CHRM3: variants seen among roughly 807,000 people sequenced by gnomAD.
CHRM3 encodes muscarinic acetylcholine receptor M3.
In CHRM3, 11 loss-of-function variants were observed where a neutral mutation model predicts 41.8. That is an observed-to-expected ratio of 0.26 (90% CI 0.17 to 0.44). The LOEUF is 0.44. Ranked by LOEUF, CHRM3 falls within the 20% of genes least tolerant of loss-of-function variation. CHRM3 has a pLI of 1.00. For missense variants in CHRM3, 571 were observed against 745.4 expected (o/e 0.77, Z 2.72); for synonymous variants, 297 against 301.4 (o/e 0.99, Z 0.15).
chr1:239,427,008 G>A (rs1472305414), intron 1 of CHRM3, among the ~76,000 whole-genome samples: 1 of 152,132 alleles, frequency 6.6e-6, no homozygotes, highest in Non-Finnish European at 1.5e-5. Flanking sequence ...GCAGGCAGAG[G>A]TGAGTGAAGG....
intron 2 of CHRM3, among the ~76,000 whole-genome samples, chr1:239,502,884 A>G (rs1668330501): frequency 6.6e-6 from 1 of 152,220 alleles, no homozygotes; most frequent in Non-Finnish European, 1.5e-5. Context: ...AACTCTCAGC[A>G]AAATCAGCAT....
chr1:239,713,513 G>T (rs1360321991), intron 5 of CHRM3, among the ~76,000 whole-genome samples: 5 of 152,198 alleles, frequency 3.3e-5, no homozygotes, highest in Non-Finnish European at 7.3e-5. Flanking sequence ...GAATGCAACT[G>T]TAATCTTATT....
chr1:239,829,829 G>A (rs1370023386), intron 6 of CHRM3, among the ~76,000 whole-genome samples: 1 of 152,140 alleles, frequency 6.6e-6, no homozygotes, highest in Non-Finnish European at 1.5e-5. Flanking sequence ...CAGAGCCTCA[G>A]AATTGCTAGG....
intron 5 of CHRM3, among the ~76,000 whole-genome samples, chr1:239,793,997 A>G (rs1304161962): frequency 6.6e-6 from 1 of 151,698 alleles, no homozygotes; most frequent in Non-Finnish European, 1.5e-5. Context: ...CATATTTTGT[A>G]TAGACAGGGT....
rs116111373 is a variant in CHRM3, at chr1:239,387,621, C to A, written c.-521+394C>A. Among the ~76,000 whole-genome samples, 1 of 152,080 alleles carries A rather than the reference C, an allele frequency of 6.6e-6. No homozygotes were observed. The highest frequency in any genetic ancestry group is 1.5e-5 in the Non-Finnish European group (1 of 68,026). ...GCCGGATCTGAGGCTCCAAAGTGCC[C>A]GAGCATGAGGAGCTACTGGGCTCCG... On this transcript the variant is annotated intron_variant, in intron 1 of 6. Transcript: ENST00000676153. The surrounding 1 kb of genome is among the most constrained non-coding windows in gnomAD (Gnocchi z 5.1).
At chr1:239,404,418 GA>G (rs1351034689) in intron 1 of CHRM3, among the ~76,000 whole-genome samples, 1 of 80,376 alleles carries the variant, frequency 1.2e-5, no homozygotes, top group Admixed American at 1.3e-4. Context: ...GAAAAAGAAA[GA>G]AAGAAAGAAA....
intron 1 of CHRM3, among the ~76,000 whole-genome samples, chr1:239,407,417 T>TATATATATATATATAGAGAGAGAGAG: frequency 2.0e-4 from 27 of 134,202 alleles, no homozygotes; most frequent in South Asian, 2.4e-4. Context: ...TATATATATA[T>TATATATATATATATAGAGAGAGAGAG]AGAGAGAGAG....
chr1:239,702,119 G>A (rs1278716730), intron 5 of CHRM3, among the ~76,000 whole-genome samples: 2 of 152,200 alleles, frequency 1.3e-5, no homozygotes, highest in South Asian at 4.1e-4. Flanking sequence ...TCCTCAAATA[G>A]CATTAAACAG....
intron 4 of CHRM3, among the ~76,000 whole-genome samples, chr1:239,675,707 G>A (rs536175280): frequency 2.6e-5 from 4 of 152,272 alleles, no homozygotes; most frequent in Admixed American, 6.5e-5. Flanking sequence ...AATTGGAAAA[G>A]CATTAAAAAT....
chr1:239,392,638 C>A (rs928661921), intron 1 of CHRM3, among the ~76,000 whole-genome samples: 1 of 152,170 alleles, frequency 6.6e-6, no homozygotes, highest in Admixed American at 6.5e-5. Flanking sequence ...GAGGGGCTAC[C>A]AAGTGTGTAC....
At chr1:239,593,455 A>G (rs1558350498) in intron 3 of CHRM3, among the ~76,000 whole-genome samples, 1 of 148,554 alleles carries the variant, frequency 6.7e-6, no homozygotes, top group Non-Finnish European at 1.5e-5. Flanking sequence ...CACTTGATTT[A>G]TTTCTTACGT....
intron 2 of CHRM3, among the ~76,000 whole-genome samples, chr1:239,524,182 A>G (rs1487962381): frequency 2.0e-5 from 3 of 152,150 alleles, no homozygotes; most frequent in Non-Finnish European, 4.4e-5. Context: ...ATATATATAT[A>G]TATGCACACA....
chr1:239,612,700 G>A (rs1178672896), intron 3 of CHRM3, among the ~76,000 whole-genome samples: 1 of 152,168 alleles, frequency 6.6e-6, no homozygotes, highest in Admixed American at 6.5e-5. Context: ...AAAGGATGCT[G>A]AGCATCATAT....
At chr1:239,905,290 G>A (rs1679884024) in intron 6 of CHRM3, among the ~76,000 whole-genome samples, 1 of 152,106 alleles carries the variant, frequency 6.6e-6, no homozygotes, top group Non-Finnish European at 1.5e-5. Context: ...GGAGGCTGTG[G>A]GTTCAGATTG....
intron 5 of CHRM3, among the ~76,000 whole-genome samples, chr1:239,758,501 T>C (rs1666424461): frequency 6.6e-6 from 1 of 152,222 alleles, no homozygotes; most frequent in African/African-American, 2.4e-5. Context: ...CAATTGCTTA[T>C]TGGAATATGA....
intron 5 of CHRM3, among the ~76,000 whole-genome samples, chr1:239,777,315 T>A (rs1483657086): frequency 6.6e-6 from 1 of 152,202 alleles, no homozygotes; most frequent in Non-Finnish European, 1.5e-5. Flanking sequence ...TTCATTTTGA[T>A]TTTGGAACAA....
At chr1:239,660,661 T>C (rs552685517) in intron 4 of CHRM3, among the ~76,000 whole-genome samples, 2 of 152,160 alleles carry the variant, frequency 1.3e-5, no homozygotes, top group East Asian at 3.9e-4. Context: ...GACAGGGGGA[T>C]CACTTGAGGC....
chr1:239,440,399 G>A (rs1255601351), intron 1 of CHRM3, among the ~76,000 whole-genome samples: 2 of 152,124 alleles, frequency 1.3e-5, no homozygotes, highest in African/African-American at 2.4e-5. Context: ...GAGGCCGATG[G>A]AGCACCTGAG....
chr1:239,456,848 G>C (rs1664980361), intron 1 of CHRM3, among the ~76,000 whole-genome samples: 1 of 152,192 alleles, frequency 6.6e-6, no homozygotes, highest in African/African-American at 2.4e-5. Flanking sequence ...AGAGAGCTCT[G>C]AGCAGAAACC....
Sources: allele counts gnomAD v4.1 joint callset (sites outside exome capture counted in the v4.1 genomes callset), GRCh38; gene constraint gnomAD v4.1.1; non-coding constraint Gnocchi (gnomAD v3.1); transcripts MANE v1.5; gene names NCBI Gene and HGNC (gene_info 2026-07-23, HGNC 2026-07-21).